The following GALNT2 variants were observed in gnomAD, a reference collection of about 807,000 sequenced individuals.
GALNT2 encodes polypeptide N-acetylgalactosaminyltransferase 2, also known as UDP-GalNAc:polypeptide N-acetylgalactosaminyltransferase 2.
Under a neutral mutation model 81.4 loss-of-function variants are expected in GALNT2, and 31 were observed. That is an observed-to-expected ratio of 0.38 (90% confidence interval 0.29 to 0.51). GALNT2 has a LOEUF of 0.51. GALNT2 is among the 20% of genes least tolerant of loss of function. GALNT2 has a pLI of 0.87. For missense variants in GALNT2, 629 were observed against 765.7 expected (o/e 0.82, Z 2.11); for synonymous variants, 303 against 287.4 (o/e 1.05, Z -0.55).
intron 8 of GALNT2, among the ~76,000 whole-genome samples, chr1:230,247,774 T>C (rs1431010908): frequency 6.6e-6 from 1 of 152,006 alleles, no homozygotes; most frequent in Non-Finnish European, 1.5e-5. Flanking sequence ...TTTATGAAAT[T>C]CCTTTAGAAA....
chr1:230,241,753 T>G (rs1665208895), intron 6 of GALNT2, among the ~76,000 whole-genome samples: 1 of 152,170 alleles, frequency 6.6e-6, no homozygotes, highest in Non-Finnish European at 1.5e-5. Flanking sequence ...GGCCATGAGT[T>G]TGTTTTTATG....
chr1:230,060,872 G>T (rs1659030522), intron 1 of GALNT2, among the ~76,000 whole-genome samples: 1 of 152,254 alleles, frequency 6.6e-6, no homozygotes, highest in Non-Finnish European at 1.5e-5. Context: ...GCCCCTTCAA[G>T]CTGGCTCCTA....
chr1:230,209,230 G>A (rs1321640587), intron 3 of GALNT2, among the ~76,000 whole-genome samples: 1 of 152,126 alleles, frequency 6.6e-6, no homozygotes, highest in African/African-American at 2.4e-5. Context: ...AAGTATGAGT[G>A]TGTTGTGGAC....
rs1663957346 is a variant in GALNT2 at position 230,203,166 on chromosome 1, G to A, written c.250G>A (p.Glu84Lys). The change falls in exon 3 of 16, where the codon GAA becomes AAA. Residue 84 changes from glutamate to lysine, a missense_variant. Around this residue, in one of 3 missense-constraint regions of GALNT2, gnomAD observed 360 missense variants for 492.8 expected, o/e 0.73. Transcript: ENST00000366672. ...AGTACGGTGGCCAGACTTTAACCAG[G>A]AAGCTTATGTTGGAGGGACGATGGT... ...GKVRWPDFNQEAYVGGTMVRS... is the reference protein window; with the variant it reads ...GKVRWPDFNQKAYVGGTMVRS... 1.9e-6 allele frequency: 3 copies of A among 1,613,988 alleles called. No individual in the cohort carries two copies. The South Asian group carries it at 3.3e-5, about 18-fold the overall frequency.
intron 2 of GALNT2, among the ~76,000 whole-genome samples, chr1:230,195,195 G>A (rs1290886984): frequency 6.6e-6 from 1 of 152,196 alleles, no homozygotes; most frequent in Non-Finnish European, 1.5e-5. Context: ...ATAATTTCTG[G>A]GGAGTGACTT....
intron 2 of GALNT2, among the ~76,000 whole-genome samples, chr1:230,180,294 T>G (rs1350639796): frequency 3.7e-5 from 5 of 136,444 alleles, no homozygotes. Flanking sequence ...TGTGTCTAGG[T>G]TCTTTTTTTT....
chr1:230,139,669 G>GT (rs1244551159), intron 1 of GALNT2, among the ~76,000 whole-genome samples: 1 of 152,174 alleles, frequency 6.6e-6, no homozygotes, highest in Non-Finnish European at 1.5e-5. Context: ...GGGATTTTTT[G>GT]TTTTTTGGTA....
rs530137731 is a variant in GALNT2 at position 230,139,807 on chromosome 1, A to T, written c.127-38411A>T. ...AGTTTCGTTCCCACCTATGAAGATT[A>T]CTCAGGTTTATGGAGAGTTGTTTTG... On this transcript the variant is annotated intron_variant, in intron 1 of 15. Coordinates refer to ENST00000366672, the MANE Select transcript of GALNT2 (RefSeq NM_004481.5). Among the ~76,000 whole-genome samples the T allele has an allele frequency of 1.3e-4, 20 of 152,316 alleles. No homozygotes were observed. The South Asian group carries it at 4.1e-3, about 32-fold the overall frequency.
intron 1 of GALNT2, among the ~76,000 whole-genome samples, chr1:230,146,055 C>T (rs1254187719): frequency 6.6e-6 from 1 of 152,158 alleles, no homozygotes; most frequent in Non-Finnish European, 1.5e-5. Flanking sequence ...TTTCTCTCTG[C>T]TTCTTATTAA....
chr1:230,146,627 TG>T (rs1661923927), intron 1 of GALNT2, among the ~76,000 whole-genome samples: 1 of 152,006 alleles, frequency 6.6e-6, no homozygotes, highest in Admixed American at 6.6e-5. Context: ...CTCAGGGAGC[TG>T]GGGCATTTAG....
At chr1:230,170,579 ATT>A (rs572093911) in intron 1 of GALNT2, among the ~76,000 whole-genome samples, 22 of 152,226 alleles carry the variant, frequency 1.4e-4, no homozygotes, top group Non-Finnish European at 3.1e-4. Flanking sequence ...TTTGTTTTAC[ATT>A]GCTATAAAGG....
At chr1:230,192,528 A>C (rs993411495) in intron 2 of GALNT2, among the ~76,000 whole-genome samples, 1 of 152,266 alleles carries the variant, frequency 6.6e-6, no homozygotes, top group African/African-American at 2.4e-5. Context: ...GACCATGTAC[A>C]ATAGGCTAAA....
intron 2 of GALNT2, among the ~76,000 whole-genome samples, chr1:230,200,659 A>C (rs1206051050): frequency 2.6e-5 from 4 of 152,216 alleles, no homozygotes; most frequent in Non-Finnish European, 5.9e-5. Context: ...AGCTGTGCAG[A>C]GGCCTTATCC....
intron 1 of GALNT2, among the ~76,000 whole-genome samples, chr1:230,145,073 A>G (rs1035067889): frequency 6.6e-6 from 1 of 152,110 alleles, no homozygotes; most frequent in African/African-American, 2.4e-5. Flanking sequence ...GAGCTGCGTC[A>G]TCTGTTTTCT....
chr1:230,176,030 C>T (rs566811325), intron 1 of GALNT2, among the ~76,000 whole-genome samples: 18 of 152,208 alleles, frequency 1.2e-4, no homozygotes, highest in South Asian at 8.3e-4. Context: ...CAATGCTTGG[C>T]GCATAGTAGG....
At chr1:230,149,570 T>C (rs1033708876) in intron 1 of GALNT2, among the ~76,000 whole-genome samples, 1 of 152,120 alleles carries the variant, frequency 6.6e-6, no homozygotes, top group African/African-American at 2.4e-5. Context: ...CAACAAGCGG[T>C]TGAGGGACCT....
At position 230,275,437 on chromosome 1, in the gene GALNT2, A is replaced by G. The variant is rs1332611877; in HGVS notation, c.1560+873A>G. Among the ~76,000 whole-genome samples the G allele has an allele frequency of 6.6e-6, 1 of 151,478 alleles. No individual in the cohort carries two copies. The highest frequency in any genetic ancestry group is 1.5e-5 in the Non-Finnish European group (1 of 67,824). ...AACACCACATATATACACACCACAT[A>G]TATATACACGCCACATATATACATA... On this transcript the variant is annotated intron_variant, in intron 15 of 15. Coordinates refer to ENST00000366672, the MANE Select transcript of GALNT2 (RefSeq NM_004481.5). This position sits in a 1 kb window ranked among gnomAD's most constrained non-coding sequence, Gnocchi z 5.5.
At chr1:230,262,208 G>A (rs559860239) in intron 11 of GALNT2, 4 of 199,464 alleles carry the variant, frequency 2.0e-5, no homozygotes, top group East Asian at 1.3e-4. Context: ...CTCTGTGGAC[G>A]CGTAATGTGA....
chr1:230,222,988 C>A (rs1337525426), intron 3 of GALNT2, among the ~76,000 whole-genome samples: 1 of 152,174 alleles, frequency 6.6e-6, no homozygotes, highest in Admixed American at 6.5e-5. Flanking sequence ...CATCTATACT[C>A]ATTTCCAAAT....
Sources: allele counts gnomAD v4.1 joint callset (sites outside exome capture counted in the v4.1 genomes callset), GRCh38; gene constraint gnomAD v4.1.1; regional missense constraint gnomAD v4.1.1; non-coding constraint Gnocchi (gnomAD v3.1); transcripts MANE v1.5; gene names NCBI Gene and HGNC (gene_info 2026-07-23, HGNC 2026-07-21).